LRRTM4: variants seen among roughly 807,000 people sequenced by gnomAD.
The protein encoded by LRRTM4 is leucine rich repeat transmembrane neuronal 4.
In LRRTM4, 25 loss-of-function variants were observed where a neutral mutation model predicts 47.6. That is an observed-to-expected ratio of 0.53 (90% confidence interval 0.38 to 0.73). LRRTM4 has a LOEUF of 0.73. Among genes scored for constraint, LRRTM4 ranks in the 30% least tolerant of loss-of-function variants. The probability of loss-of-function intolerance (pLI) is 0.00; values close to 1 mark genes in which losing one functional copy is unlikely to be tolerated. For missense variants in LRRTM4, 638 were observed against 713.4 expected (o/e 0.89, Z 1.20); for synonymous variants, 311 against 269.5 (o/e 1.15, Z -1.51).
intron 3 of LRRTM4, among the ~76,000 whole-genome samples, chr2:77,083,896 C>T (rs1480298449): frequency 6.7e-6 from 1 of 148,568 alleles, no homozygotes; most frequent in East Asian, 2.0e-4. Context: ...GCTCCGCCTC[C>T]CGGGTTCACG....
At chr2:77,229,021 G>A (rs1674892979) in intron 3 of LRRTM4, among the ~76,000 whole-genome samples, 1 of 151,992 alleles carries the variant, frequency 6.6e-6, no homozygotes, top group Non-Finnish European at 1.5e-5. Flanking sequence ...TACAAATCAT[G>A]CGATTGCTCC....
intron 3 of LRRTM4, among the ~76,000 whole-genome samples, chr2:76,840,733 A>G (rs989197720): frequency 6.6e-6 from 1 of 152,196 alleles, no homozygotes; most frequent in African/African-American, 2.4e-5. Context: ...ATTAGTAGTG[A>G]TATCTGAATT....
intron 3 of LRRTM4, among the ~76,000 whole-genome samples, chr2:76,898,132 C>T (rs758900125): frequency 6.6e-6 from 1 of 151,850 alleles, no homozygotes; most frequent in African/African-American, 2.4e-5. Context: ...CTTGTTATAC[C>T]CTTGTTTTTT....
chr2:76,754,832 G>T (rs1317151428), intron 3 of LRRTM4, among the ~76,000 whole-genome samples: 1 of 152,076 alleles, frequency 6.6e-6, no homozygotes, highest in Non-Finnish European at 1.5e-5. Context: ...AGATTATTTT[G>T]CCAGAGGATG....
chr2:77,027,156 C>G (rs1184612849), intron 3 of LRRTM4, among the ~76,000 whole-genome samples: 2 of 152,060 alleles, frequency 1.3e-5, no homozygotes, highest in African/African-American at 2.4e-5. Context: ...ATTTCCACCA[C>G]TAGACATAAA....
intron 3 of LRRTM4, among the ~76,000 whole-genome samples, chr2:76,843,439 C>T (rs1391268964): frequency 6.6e-6 from 1 of 152,076 alleles, no homozygotes; most frequent in Non-Finnish European, 1.5e-5. Context: ...TTTCAGGTGG[C>T]TTTTCAAGCT....
chr2:76,843,128 C>T (rs1671736171), intron 3 of LRRTM4, among the ~76,000 whole-genome samples: 1 of 152,002 alleles, frequency 6.6e-6, no homozygotes, highest in Non-Finnish European at 1.5e-5. Flanking sequence ...CAGTTGATAG[C>T]CATCCTCTTT....
At chr2:76,977,062 G>A (rs1477119116) in intron 3 of LRRTM4, among the ~76,000 whole-genome samples, 1 of 151,538 alleles carries the variant, frequency 6.6e-6, no homozygotes, top group Non-Finnish European at 1.5e-5. Flanking sequence ...TGTGTACATA[G>A]ATTTTTCTCA....
chr2:77,074,734 T>C (rs17013686), intron 3 of LRRTM4, among the ~76,000 whole-genome samples: 3,177 of 152,224 alleles, frequency 0.021, 120 homozygotes, highest in African/African-American at 0.07. Context: ...AAAAGGTCAA[T>C]TGTTGCAAAC....
At chr2:77,079,108 G>T (rs1045326197) in intron 3 of LRRTM4, among the ~76,000 whole-genome samples, 1 of 152,144 alleles carries the variant, frequency 6.6e-6, no homozygotes, top group African/African-American at 2.4e-5. Flanking sequence ...TATGAATTTT[G>T]GGGGATACAA....
chr2:77,367,340 AT>A (rs1363181255), intron 3 of LRRTM4, among the ~76,000 whole-genome samples: 1 of 151,328 alleles, frequency 6.6e-6, no homozygotes, highest in African/African-American at 2.4e-5. Flanking sequence ...GAGGCTGTCA[AT>A]TTTTTTTCAT....
intron 3 of LRRTM4, among the ~76,000 whole-genome samples, chr2:77,084,131 A>C (rs1214646160): frequency 6.6e-6 from 1 of 152,130 alleles, no homozygotes; most frequent in Non-Finnish European, 1.5e-5. Context: ...TTTAAAAATA[A>C]AGTGTGTAAC....
intron 3 of LRRTM4, among the ~76,000 whole-genome samples, chr2:76,784,574 T>G (rs1169900148): frequency 6.6e-6 from 1 of 152,098 alleles, no homozygotes; most frequent in East Asian, 1.9e-4. Flanking sequence ...ATGCAATATT[T>G]TCAAACTAAA....
chr2:76,836,908 A>G (rs887608468), intron 3 of LRRTM4, among the ~76,000 whole-genome samples: 4 of 152,290 alleles, frequency 2.6e-5, no homozygotes, highest in Admixed American at 1.3e-4. Context: ...TTATGTTACA[A>G]GAATATTTTC....
chr2:76,977,187 T>G (rs1676450740), intron 3 of LRRTM4, among the ~76,000 whole-genome samples: 1 of 151,606 alleles, frequency 6.6e-6, no homozygotes, highest in Admixed American at 6.6e-5. Context: ...CTACATCCCT[T>G]GCCAATCTTA....
intron 3 of LRRTM4, among the ~76,000 whole-genome samples, chr2:77,479,486 G>C (rs1397853840): frequency 1.3e-5 from 2 of 152,232 alleles, no homozygotes; most frequent in Non-Finnish European, 2.9e-5. Flanking sequence ...TTACCGGACA[G>C]TGTGCACCGT....
At chr2:77,337,589 C>T (rs1297088270) in intron 3 of LRRTM4, among the ~76,000 whole-genome samples, 1 of 151,946 alleles carries the variant, frequency 6.6e-6, no homozygotes, top group Non-Finnish European at 1.5e-5. Flanking sequence ...GGGCTCTTCC[C>T]CCTTAGCTCC....
intron 3 of LRRTM4, among the ~76,000 whole-genome samples, chr2:77,007,738 A>G (rs1335604725): frequency 6.6e-6 from 1 of 152,174 alleles, no homozygotes; most frequent in East Asian, 1.9e-4. Context: ...TCGGTGGAAA[A>G]GAAAAGGCTA....
rs577346307 is a variant in LRRTM4, at chr2:77,152,580, G to A, written c.1551+365738C>T. 4.8e-3 allele frequency among the ~76,000 whole-genome samples: 735 copies of A among 151,900 alleles called. 5 individuals carry two copies. The highest frequency in any genetic ancestry group is 0.017 in the African/African-American group (693 of 41,436). On this transcript the variant is annotated intron_variant, in intron 3 of 3. Coordinates refer to ENST00000409884, the MANE Select transcript of LRRTM4 (RefSeq NM_001134745.3). ...CCTGACCTCATGATCTGCCTGCCTCGGCCTCCCAAAGTGCTGGGATTACAG... is the reference window on the plus strand; with the variant it reads ...CCTGACCTCATGATCTGCCTGCCTCAGCCTCCCAAAGTGCTGGGATTACAG...
Sources: allele counts gnomAD v4.1 joint callset (sites outside exome capture counted in the v4.1 genomes callset), GRCh38; gene constraint gnomAD v4.1.1; transcripts MANE v1.5; gene names NCBI Gene and HGNC (gene_info 2026-07-23, HGNC 2026-07-21).